The following TOGARAM1 variants were observed in gnomAD, a reference collection of about 807,000 sequenced individuals.
The protein encoded by TOGARAM1 is TOG array regulator of axonemal microtubules 1, also known as TOG array regulator of axonemal microtubules protein 1.
A neutral mutation model predicts 166.6 loss-of-function variants in TOGARAM1; 100 were observed. The observed-to-expected ratio is 0.60, with a 90% CI of 0.51 to 0.71. The LOEUF (loss-of-function observed/expected upper bound fraction) is 0.71, where lower values mean the gene tolerates loss of function less well. Among genes scored for constraint, TOGARAM1 ranks in the 30% least tolerant of loss-of-function variants. The probability of loss-of-function intolerance (pLI) is 0.00; values close to 1 mark genes in which losing one functional copy is unlikely to be tolerated. For missense variants in TOGARAM1, 2,029 were observed against 2,102.7 expected, an observed-to-expected ratio of 0.96 and a Z score of 0.69; for synonymous variants, 758 against 763.8, an observed-to-expected ratio of 0.99 and a Z score of 0.13.
intron 5 of TOGARAM1, 199 bp downstream of exon 5, chr14:45,006,466 A>G (rs1879439141): frequency 2.2e-6 from 1 of 454,442 alleles, no homozygotes; most frequent in African/African-American, 1.9e-5. Context: ...AGAATAATTT[A>G]CTGTTAACAC....
chr14:45,065,562 A>G (rs753538578), intron 16 of TOGARAM1, among the ~76,000 whole-genome samples: 2 of 152,188 alleles, frequency 1.3e-5, no homozygotes, highest in Non-Finnish European at 2.9e-5. Context: ...TTACCCCTTT[A>G]TAGCCACGAA....
At chr14:45,047,006 C>A (rs960145350) in intron 14 of TOGARAM1, among the ~76,000 whole-genome samples, 4 of 152,086 alleles carry the variant, frequency 2.6e-5, no homozygotes, top group African/African-American at 9.7e-5. Context: ...AGAAGAACTT[C>A]ATTATGGGCA....
chr14:44,994,189 C>T (rs1200118052), intron 1 of TOGARAM1, among the ~76,000 whole-genome samples: 2 of 152,180 alleles, frequency 1.3e-5, no homozygotes, highest in Admixed American at 6.5e-5. Context: ...TCACCGCAAC[C>T]TCTGTCTCCT....
chr14:45,023,823 C>T (rs1880669891), intron 7 of TOGARAM1, among the ~76,000 whole-genome samples: 2 of 152,106 alleles, frequency 1.3e-5, no homozygotes, highest in African/African-American at 4.8e-5. Flanking sequence ...TGACTGCAAC[C>T]TCTGCCTTTC....
intron 1 of TOGARAM1, among the ~76,000 whole-genome samples, chr14:44,979,898 G>T (rs1886435790): frequency 6.6e-6 from 1 of 152,104 alleles, no homozygotes; most frequent in Middle Eastern, 3.2e-3. Context: ...TGAAGAGATG[G>T]CATAAGGCAT....
chr14:45,068,809 G>A (rs1453026030), intron 18 of TOGARAM1, among the ~76,000 whole-genome samples, 166 bp downstream of exon 18: 1 of 151,912 alleles, frequency 6.6e-6, no homozygotes, highest in Non-Finnish European at 1.5e-5. Flanking sequence ...TATTTTTAGT[G>A]ATTAAATTCT....
Position 45,051,239 on chromosome 14 carries a change from T to C in TOGARAM1, c.4314-1197T>C, listed in dbSNP as rs76229159. Among the ~76,000 whole-genome samples the C allele has an allele frequency of 4.1e-4, 62 of 152,268 alleles. 2 individuals are homozygous for C. The East Asian group carries it at 0.012, about 29-fold the overall frequency. On this transcript the variant is annotated intron_variant, in intron 14 of 19. Coordinates refer to ENST00000361462, the MANE Select transcript of TOGARAM1 (RefSeq NM_001308120.2). The stretch of plus-strand genomic sequence containing the variant: ...CTAACCTTGGGTGTATTTTAGGTAG[T>C]AAAGAATAGGATTCTGAAGAATCAG...
At chr14:44,988,261 T>C (rs2138783435) in intron 1 of TOGARAM1, among the ~76,000 whole-genome samples, 1 of 152,126 alleles carries the variant, frequency 6.6e-6, no homozygotes, top group African/African-American at 2.4e-5. Flanking sequence ...TAAAAAAAAA[T>C]CGTAAAAGCT....
At chr14:45,004,585 C>G (rs988941638) in intron 4 of TOGARAM1, among the ~76,000 whole-genome samples, 19 of 152,084 alleles carry the variant, frequency 1.2e-4, no homozygotes, top group African/African-American at 4.6e-4. Flanking sequence ...AAATCCTTTT[C>G]AGAACCAGGA....
chr14:44,999,280 C>T, intron 2 of TOGARAM1, 83 bp from the exon 3 acceptor site: 1 of 1,371,928 alleles, frequency 7.3e-7, no homozygotes, highest in Non-Finnish European at 9.8e-7. Context: ...ACCTAAATTA[C>T]ACCAACATTT....
chr14:45,032,168 A>C, intron 10 of TOGARAM1, 55 bp from the exon 11 acceptor site: 1 of 1,514,002 alleles, frequency 6.6e-7, no homozygotes, highest in Non-Finnish European at 9.0e-7. Context: ...TCAAAAAGAT[A>C]AAAATTTTTT....
intron 14 of TOGARAM1, among the ~76,000 whole-genome samples, chr14:45,048,387 T>C (rs910645228): frequency 2.0e-5 from 3 of 151,424 alleles, no homozygotes; most frequent in African/African-American, 4.9e-5. Context: ...TAAAGAAGTA[T>C]ATAAAATGTT....
chr14:44,978,479 C>T (rs1886334812), intron 1 of TOGARAM1, among the ~76,000 whole-genome samples: 1 of 152,134 alleles, frequency 6.6e-6, no homozygotes. Context: ...GAGATTTAAA[C>T]ATCAAATTAC....
Position 44,963,974 on chromosome 14 carries a change from C to T in TOGARAM1, c.1553C>T (p.Ala518Val), listed in dbSNP as rs781079331. The T allele has an allele frequency of 1.1e-5, 17 of 1,614,036 alleles. No individual in the cohort carries two copies. The highest frequency in any genetic ancestry group is 1.4e-5 in the Non-Finnish European group (17 of 1,180,042). Residue 518 changes from alanine to valine, a missense_variant, in exon 1 of 20, where the codon GCT (alanine) becomes GTT (valine). Ala to Val is a moderately conservative substitution (Grantham distance 64, BLOSUM62 0). Transcript: ENST00000361462. ...AAACTGTCCTTTGATCTTGCCCCAG[C>T]TCTTGTAGATAGCAAACGCAGGGTA... ...LPKLSFDLAPALVDSKRRVRQ... is the reference protein window; with the variant it reads ...LPKLSFDLAPVLVDSKRRVRQ...
At position 45,044,705 on chromosome 14, in the gene TOGARAM1, A is replaced by C. The variant is rs779748589; in HGVS notation, c.3989A>C (p.Lys1330Thr). 2 of 1,614,036 alleles carry C rather than the reference A, an allele frequency of 1.2e-6. No homozygotes were observed. The highest frequency in any genetic ancestry group is 1.7e-6 in the Non-Finnish European group (2 of 1,180,010). Residue 1330 changes from lysine (K) to threonine (T), a missense_variant, in exon 13 of 20, where the codon AAA (lysine) becomes ACA (threonine). Coordinates refer to ENST00000361462, the MANE Select transcript of TOGARAM1 (RefSeq NM_001308120.2). Reference protein sequence around the residue: ...VCLSDLFTYLKKSMDQELDTT... With the variant: ...VCLSDLFTYLTKSMDQELDTT... ...TTAAGTGATCTTTTCACTTATTTGA[A>C]AAAGAGCATGGATCAAGAGCTAGAT...
In TOGARAM1 at chr14:45,044,057, T is replaced by A. The variant is rs190706518; in HGVS notation, c.3918+266T>A. On this transcript the variant is annotated intron_variant, in intron 12 of 19. Coordinates refer to ENST00000361462, the MANE Select transcript of TOGARAM1 (RefSeq NM_001308120.2). ...CGGAGTCTTGCTCTGTTGCCCAGGCTGGAGTGCAGTGGTGGGATCTCGGGT... is the reference window on the plus strand; with the variant it reads ...CGGAGTCTTGCTCTGTTGCCCAGGCAGGAGTGCAGTGGTGGGATCTCGGGT... Among the ~76,000 whole-genome samples the A allele has an allele frequency of 7.4e-4, 112 of 152,290 alleles. 1 individual carries two copies. The highest frequency in any genetic ancestry group is 2.1e-3 in the African/African-American group (88 of 41,582).
At chr14:44,986,654 A>G (rs1418014609) in intron 1 of TOGARAM1, among the ~76,000 whole-genome samples, 1 of 151,954 alleles carries the variant, frequency 6.6e-6, no homozygotes, top group Non-Finnish European at 1.5e-5. Context: ...TTTGAAGTTT[A>G]TTAAGAATTT....
intron 1 of TOGARAM1, among the ~76,000 whole-genome samples, chr14:44,991,450 G>A (rs902078922): frequency 4.6e-5 from 7 of 152,256 alleles, no homozygotes; most frequent in African/African-American, 1.7e-4. Flanking sequence ...TCAAAGGAGA[G>A]TGGCACATCT....
chr14:45,037,803 G>A (rs1052327173), intron 11 of TOGARAM1, among the ~76,000 whole-genome samples: 10 of 151,706 alleles, frequency 6.6e-5, no homozygotes, highest in Non-Finnish European at 8.8e-5. Context: ...TGAGGCGGGC[G>A]GATCACGAGG....
Sources: allele counts gnomAD v4.1 joint callset (sites outside exome capture counted in the v4.1 genomes callset), GRCh38; gene constraint gnomAD v4.1.1; transcripts MANE v1.5; gene names NCBI Gene and HGNC (gene_info 2026-07-23, HGNC 2026-07-21).